Variants in EPHX3 observed in about 807,000 individuals in gnomAD.
EPHX3 encodes the protein epoxide hydrolase 3.
Under a neutral mutation model 40.2 loss-of-function variants are expected in EPHX3, and 39 were observed. The ratio of observed to expected loss-of-function variants is 0.97; its 90% CI spans 0.75 to 1.27. The LOEUF (loss-of-function observed/expected upper bound fraction) is 1.27, where lower values mean the gene tolerates loss of function less well. EPHX3 is among the 50% of genes most tolerant of loss of function. The pLI, the probability that EPHX3 is intolerant of heterozygous loss-of-function variation, is 0.00. For missense variants in EPHX3, 442 were observed against 474.0 expected (o/e 0.93, Z 0.63); for synonymous variants, 213 against 209.7 (o/e 1.02, Z -0.14).
chr19:15,229,622 T>A (rs919753807), intron 4 of EPHX3, among the ~76,000 whole-genome samples: 1 of 138,332 alleles, frequency 7.2e-6, no homozygotes, highest in South Asian at 2.3e-4. Context: ...GGGCCAGGCG[T>A]GGTGGCTCAC....
chr19:15,231,454 C>A (rs1022191728), intron 2 of EPHX3, 58 bp from the exon 3 acceptor site: 2 of 1,575,604 alleles, frequency 1.3e-6, no homozygotes, highest in East Asian at 2.3e-5. Flanking sequence ...CACCTGCACC[C>A]TACGCACATC....
rs148609218 is a variant in EPHX3 at position 15,227,866 on chromosome 19, T to A, written c.762A>T (p.Pro254=). The change falls in exon 6 of 7, where the codon CCA becomes CCT. Residue 254 remains proline (P), a synonymous_variant. Transcript: ENST00000221730. ...CCTCGAGCTCGCTGGGGGTCAAGCA[T>A]GGGATGCCTGTCTTGCGGTGGGTGA... is the stretch of plus-strand genomic sequence containing the variant. The part of the protein sequence containing the change: ...TTLTHRKTGI[P]CLTPSELEAF... 1.1e-4 allele frequency: 184 copies of A among 1,613,940 alleles called. No homozygotes were observed. The highest frequency in any genetic ancestry group is 1.4e-4 in the Non-Finnish European group (170 of 1,180,028).
At chr19:15,230,606 G>A (rs1219995515) in intron 4 of EPHX3, among the ~76,000 whole-genome samples, 4 of 151,272 alleles carry the variant, frequency 2.6e-5, no homozygotes, top group Admixed American at 6.6e-5. Flanking sequence ...TCAGCCTCCC[G>A]AGTAGCTGGG....
chr19:15,233,208 T>C (rs1335389666), upstream of EPHX3: 1 of 152,154 alleles, frequency 6.6e-6, no homozygotes, highest in Non-Finnish European at 1.5e-5. Context: ...CGGGACCTAA[T>C]ATGGCGGGTC....
chr19:15,234,646 G>C (rs2145488896), upstream of EPHX3, among the ~76,000 whole-genome samples: 1 of 152,210 alleles, frequency 6.6e-6, no homozygotes, highest in South Asian at 2.1e-4. Flanking sequence ...CCACTGACTT[G>C]CTCACATCAC....
rs570288303 is a variant in EPHX3, at chr19:15,231,411, A to G, written c.330-15T>C. 26 of 1,612,304 alleles carry G rather than the reference A, an allele frequency of 1.6e-5. No homozygotes were observed. The South Asian group carries it at 2.9e-4, about 18-fold the overall frequency. Reference sequence around the variant, plus strand: ...GCCAGGAGAACCTGCCAGGCGGGCGAGGGAGGGAGGCTGAGTCAGGGCCCT... The same window carrying G: ...GCCAGGAGAACCTGCCAGGCGGGCGGGGGAGGGAGGCTGAGTCAGGGCCCT... On this transcript the variant is annotated splice_polypyrimidine_tract_variant and intron_variant, in intron 2 of 6. Transcript: ENST00000221730.
chr19:15,227,281 A>G lies in EPHX3; in HGVS notation c.*156T>C. On this transcript the variant is annotated 3_prime_UTR_variant, in exon 7 of 7. Transcript: ENST00000221730. The stretch of plus-strand genomic sequence containing the variant: ...GGTTGGTGTGTCCCGAGGCACCCAT[A>G]GGTGCGCTTGTGTGGGATCCAGGAG... The G allele has an allele frequency of 3.1e-6, 2 of 644,622 alleles. No homozygotes were observed. Among genetic ancestry groups the G allele is most frequent in the Admixed American group, 2.5e-5 (1 of 40,026 alleles). 39.9% of individuals were successfully genotyped at this position (644,622 alleles called of 1,614,324 possible).
upstream of EPHX3, among the ~76,000 whole-genome samples, chr19:15,232,600 G>A (rs190654118): frequency 6.6e-6 from 1 of 152,160 alleles, no homozygotes; most frequent in East Asian, 1.9e-4. Context: ...TTCCGGGCCG[G>A]GTGCGGTGGC....
At chr19:15,231,171 G>C in intron 3 of EPHX3, 68 bp downstream of exon 3, 1 of 1,612,226 alleles carries the variant, frequency 6.2e-7, no homozygotes, top group Non-Finnish European at 8.5e-7. Flanking sequence ...TTCCAGCAAG[G>C]AGAAAGCGGG....
At position 15,231,337 on chromosome 19, in the gene EPHX3, T is replaced by G; in HGVS notation, c.389A>C (p.Asp130Ala). Reference sequence around the variant, plus strand: ...ATCCGAGGGGCCATAGCCTCGCAAGTCCACAGCCACAACATGGAAGCGGCT... The same window carrying G: ...ATCCGAGGGGCCATAGCCTCGCAAGGCCACAGCCACAACATGGAAGCGGCT... ...FQSRFHVVAVDLRGYGPSDAP... is the reference protein window; with the variant it reads ...FQSRFHVVAVALRGYGPSDAP... Residue 130 changes from aspartate (D) to alanine (A), a missense_variant, in exon 3 of 7, where the codon GAC becomes GCC. Transcript: ENST00000221730. 6.2e-7 allele frequency: 1 copy of G among 1,613,610 alleles called. No individual in the cohort carries two copies. Among genetic ancestry groups the G allele is most frequent in the Non-Finnish European group, 8.5e-7 (1 of 1,179,934 alleles).
upstream of EPHX3, among the ~76,000 whole-genome samples, chr19:15,234,918 CAA>C (rs923889911): frequency 6.6e-6 from 1 of 152,316 alleles, no homozygotes; most frequent in African/African-American, 2.4e-5. Context: ...CCATAGTGTA[CAA>C]ACTTTTGTTC....
Position 15,227,051 on chromosome 19 carries a change from C to A in EPHX3, c.*386G>T. 1 of 252,732 alleles carries A rather than the reference C, an allele frequency of 4.0e-6. No individual in the cohort carries two copies. Among genetic ancestry groups the A allele is most frequent in the South Asian group, 6.6e-5 (1 of 15,150 alleles). The allele number at this position is 252,732 out of a possible 1,614,324, so 15.7% of individuals were successfully genotyped here. ...GAAGACCCAGGCAGGAGGTCGAAGGCAGGGACAGGAAGGTCAGGGTTTAAG... is the reference window on the plus strand; with the variant it reads ...GAAGACCCAGGCAGGAGGTCGAAGGAAGGGACAGGAAGGTCAGGGTTTAAG... On this transcript the variant is annotated 3_prime_UTR_variant, in exon 7 of 7. Transcript: ENST00000221730.
upstream of EPHX3, among the ~76,000 whole-genome samples, chr19:15,234,471 A>G (rs1314658443): frequency 6.6e-6 from 1 of 151,978 alleles, no homozygotes; most frequent in Non-Finnish European, 1.5e-5. Flanking sequence ...CACTCAGCTA[A>G]TTTTTCAAAA....
Position 15,227,074 on chromosome 19 carries a change from A to C in EPHX3, c.*363T>G, listed in dbSNP as rs2047117217. ...GGCAGGGACAGGAAGGTCAGGGTTT[A>C]AGGTCTGTGCAGCTATGGCAGAGAA... On this transcript the variant is annotated 3_prime_UTR_variant, in exon 7 of 7. Coordinates refer to ENST00000221730, the MANE Select transcript of EPHX3 (RefSeq NM_024794.3). The C allele has an allele frequency of 3.5e-6, 1 of 287,876 alleles. No homozygotes were observed. The allele number at this position is 287,876 out of a possible 1,614,324, so 17.8% of individuals were successfully genotyped here. A position where few individuals can be genotyped will look rare whatever the true frequency, so the allele number is the denominator to read the frequency against.
At chr19:15,228,143 G>A (rs1161917411) in intron 4 of EPHX3, 43 bp from the exon 5 acceptor site, 1 of 1,501,064 alleles carries the variant, frequency 6.7e-7, no homozygotes, top group Non-Finnish European at 9.1e-7. Context: ...GCCTGCTCCT[G>A]GGGTGGCCCC....
In EPHX3 at chr19:15,227,549, G is replaced by A. The variant is rs767758459; in HGVS notation, c.971C>T (p.Pro324Leu). Residue 324 changes from proline (P) to leucine (L), a missense_variant, in exon 7 of 7, where the codon CCG becomes CTG. Pro to Leu is a moderately conservative substitution (Grantham distance 98). Coordinates refer to ENST00000221730, the MANE Select transcript of EPHX3 (RefSeq NM_024794.3). The stretch of plus-strand genomic sequence containing the variant: ...CAGGATGTGGGCCTCCAAGCGGCCC[G>A]GCACAAAGCGGCTGCCGATGGCTTC... ...LVEAIGSRFV[P>L]GRLEAHILPG... 5 of 1,614,022 alleles carry A rather than the reference G, an allele frequency of 3.1e-6. No homozygotes were observed. Among genetic ancestry groups the A allele is most frequent in the African/African-American group, 1.3e-5 (1 of 75,046 alleles).
chr19:15,231,453 C>T, intron 2 of EPHX3, 57 bp from the exon 3 acceptor site: 1 of 1,579,988 alleles, frequency 6.3e-7, no homozygotes, highest in South Asian at 1.1e-5. Context: ...GCACCTGCAC[C>T]CTACGCACAT....
intron 4 of EPHX3, among the ~76,000 whole-genome samples, chr19:15,230,685 G>A (rs1158231452): frequency 6.6e-6 from 1 of 150,992 alleles, no homozygotes; most frequent in African/African-American, 2.4e-5. Context: ...GACAGTTGGG[G>A]TCTTGCTATG....
rs1044571615 is a variant in EPHX3 at position 15,231,656 on chromosome 19, C to T, written c.329+120G>A. The stretch of plus-strand genomic sequence containing the variant: ...TCCTGGGTATGCTGGCTCAGTACCC[C>T]TATCCCCATCTATGTTCAGCTTGTC... On this transcript the variant is annotated intron_variant, in intron 2 of 6. Transcript: ENST00000221730. 3.0e-5 allele frequency: 34 copies of T among 1,123,948 alleles called. No individual in the cohort carries two copies. In the Admixed American group the frequency reaches 6.3e-4, roughly 21 times the overall value. 69.6% of individuals were successfully genotyped at this position (1,123,948 alleles called of 1,614,324 possible).
Sources: gnomAD v4.1 joint callset for allele counts (sites outside exome capture counted in the v4.1 genomes callset) on GRCh38, gnomAD v4.1.1 for gene constraint, MANE v1.5 for transcripts, NCBI Gene and HGNC (gene_info 2026-07-23, HGNC 2026-07-21) for gene names.